ZNF648: variants seen among roughly 807,000 people sequenced by gnomAD.
The protein encoded by ZNF648 is zinc finger protein 648.
In ZNF648, 1 loss-of-function variant was observed where a neutral mutation model predicts 0.3. The observed-to-expected ratio is 3.90, with a 90% confidence interval of 1.39 to 18.51. ZNF648 has a LOEUF of 18.51. Among genes scored for constraint, ZNF648 ranks in the 30% most tolerant of loss-of-function variants. ZNF648 has a pLI of 0.11. For missense variants in ZNF648, 874 were observed against 769.7 expected, an observed-to-expected ratio of 1.14 and a Z score of -1.60; for synonymous variants, 376 against 326.8, an observed-to-expected ratio of 1.15 and a Z score of -1.62.
chr1:182,057,162 T>C lies in ZNF648; in HGVS notation c.849A>G (p.Leu283=). The part of the protein sequence containing the change: ...GGAAKRYACE[L]CGKAYSHRGT... ...CGCGGTGGGAGTAGGCCTTCCCGCA[T>C]AGCTCGCACGCGTAGCGCTTGGCGG... Residue 283 remains leucine, a synonymous_variant, in exon 2 of 2, where the codon CTA becomes CTG. Coordinates refer to ENST00000339948, the MANE Select transcript of ZNF648 (RefSeq NM_001009992.1). The C allele has an allele frequency of 4.4e-6, 7 of 1,597,656 alleles. No homozygotes were observed. Among genetic ancestry groups the C allele is most frequent in the Non-Finnish European group, 5.9e-6 (7 of 1,176,954 alleles).
In ZNF648 at chr1:182,056,469, GCGGAAGGCCCTGCCGCACT is replaced by G; in HGVS notation, c.1523_1541del (p.Glu508AlafsTer103). ...TGTGCTGGGCCAACTCAGAGGCAATGCGGAAGGCCCTGCCGCACTCGGCACAGAGGAATCCCTTCTCCCC... is the reference window on the plus strand; with the variant it reads ...TGTGCTGGGCCAACTCAGAGGCAATGCGGCACAGAGGAATCCCTTCTCCCC... On this transcript the variant is annotated frameshift_variant, in exon 2 of 2. Coordinates refer to ENST00000339948, the MANE Select transcript of ZNF648 (RefSeq NM_001009992.1). LOFTEE classifies it low-confidence loss of function (END_TRUNC). The G allele has an allele frequency of 1.9e-6, 3 of 1,613,988 alleles. No individual in the cohort carries two copies. The highest frequency in any genetic ancestry group is 2.5e-6 in the Non-Finnish European group (3 of 1,179,930).
chr1:182,057,057 C>A lies in ZNF648; in HGVS notation c.954G>T (p.Trp318Cys). 4.3e-6 allele frequency: 7 copies of A among 1,613,196 alleles called. No homozygotes were observed. The highest frequency in any genetic ancestry group is 5.9e-6 in the Non-Finnish European group (7 of 1,179,926). The change falls in exon 2 of 2, where the codon TGG becomes TGT. Residue 318 changes from tryptophan to cysteine, a missense_variant. Trp to Cys is a radical substitution (Grantham distance 215, BLOSUM62 -2). Coordinates refer to ENST00000339948, the MANE Select transcript of ZNF648 (RefSeq NM_001009992.1). ...QCSFCDKAYT[W>C]SSDHRKHIRT... ...GGATGTGCTTCCGGTGGTCGGAGGA[C>A]CAGGTGTAGGCCTTGTCGCAGAAGG...
chr1:182,067,728 G>A, the ZNF648 span, among the ~76,000 whole-genome samples: 1 of 152,238 alleles, frequency 6.6e-6, no homozygotes, highest in Non-Finnish European at 1.5e-5. Context: ...GGCCCAGGCC[G>A]AGGGAGCATA....
chr1:182,061,433 T>C (rs1010183955), intron 1 of ZNF648, 135 bp downstream of exon 1: 1 of 152,414 alleles, frequency 6.6e-6, no homozygotes, highest in African/African-American at 2.4e-5. Flanking sequence ...CCCCAGCCCA[T>C]ACCCCTCTTC....
In ZNF648 at chr1:182,056,878, G is replaced by A; in HGVS notation, c.1133C>T (p.Ser378Leu). 1 of 1,577,020 alleles carries A rather than the reference G, an allele frequency of 6.3e-7. No individual in the cohort carries two copies. Among genetic ancestry groups the A allele is most frequent in the Non-Finnish European group, 8.6e-7 (1 of 1,161,614 alleles). Reference protein sequence around the residue: ...ECGLTFNKPLSLLRHQRTHLG... With the variant: ...ECGLTFNKPLLLLRHQRTHLG... ...GTGCGTGCGCTGGTGGCGCAGCAGC[G>A]ACAGCGGCTTGTTGAAGGTCAGGCC... The change falls in exon 2 of 2, where the codon TCG becomes TTG. Residue 378 changes from serine to leucine, a missense_variant. Physicochemically the swap from Ser to Leu is moderately radical, Grantham distance 145. Transcript: ENST00000339948.
At chr1:182,061,931 C>T (rs1666037436), upstream of ZNF648, among the ~76,000 whole-genome samples, 1 of 152,244 alleles carries the variant, frequency 6.6e-6, no homozygotes, top group Non-Finnish European at 1.5e-5. Context: ...CACTTTCACT[C>T]CTTCCTTCCA....
At chr1:182,067,368 T>C in the ZNF648 span, among the ~76,000 whole-genome samples, 1 of 152,216 alleles carries the variant, frequency 6.6e-6, no homozygotes, top group Non-Finnish European at 1.5e-5. Context: ...AATAATAATA[T>C]TTAATATCTA....
chr1:182,057,050 C>G lies in ZNF648; in HGVS notation c.961G>C (p.Asp321His). The G allele has an allele frequency of 1.2e-6, 2 of 1,605,858 alleles. No individual in the cohort carries two copies. Among genetic ancestry groups the G allele is most frequent in the South Asian group, 2.2e-5 (2 of 90,138 alleles). Residue 321 changes from aspartate to histidine, a missense_variant, in exon 2 of 2, where the codon GAC becomes CAC. Transcript: ENST00000339948. ...FCDKAYTWSS[D>H]HRKHIRTHTG... ...TGGGTGCGGATGTGCTTCCGGTGGT[C>G]GGAGGACCAGGTGTAGGCCTTGTCG... is the stretch of plus-strand genomic sequence containing the variant.
chr1:182,067,808 A>G, the ZNF648 span, among the ~76,000 whole-genome samples: 2 of 152,236 alleles, frequency 1.3e-5, no homozygotes, highest in African/African-American at 4.8e-5. Flanking sequence ...AGGGTACAAG[A>G]GGCTGAAGAT....
rs1665955998 is a variant in ZNF648 at position 182,057,624 on chromosome 1, A to G, written c.387T>C (p.Gly129=). 3.1e-6 allele frequency: 5 copies of G among 1,614,028 alleles called. No homozygotes were observed. In the African/African-American group the frequency reaches 6.7e-5, roughly 22 times the overall value. The change falls in exon 2 of 2, where the codon GGT becomes GGC. Residue 129 remains glycine, a synonymous_variant. Transcript: ENST00000339948. ...TCTGACCTAACAATTTGTGTGCGAG[A>G]CCACTGGGAAGGGAACCCAGAGCTC... is the stretch of plus-strand genomic sequence containing the variant. ...ASRALGSLPS[G]LAHKLLGQMQ... is the part of the protein sequence containing the mutation.
the ZNF648 span, among the ~76,000 whole-genome samples, chr1:182,068,908 C>T: frequency 1.9e-5 from 1 of 52,848 alleles, no homozygotes; most frequent in Non-Finnish European, 3.8e-5. Context: ...AGAGTGAGAC[C>T]GAGTCTCAAA....
Position 182,057,737 on chromosome 1 carries a change from G to C in ZNF648, c.274C>G (p.Gln92Glu), listed in dbSNP as rs757809221. The C allele has an allele frequency of 6.2e-7, 1 of 1,614,030 alleles. No homozygotes were observed. Among genetic ancestry groups the C allele is most frequent in the Non-Finnish European group, 8.5e-7 (1 of 1,180,044 alleles). ...TTCCCAGACATTTCCACTGGTTTCT[G>C]CCCCATGCCCCCAGCACTGGAGGAG... ...SDSSSAGGMG[Q>E]KPVEMSGKAS... Residue 92 changes from glutamine (Q) to glutamate (E), a missense_variant, in exon 2 of 2, where the codon CAG (glutamine) becomes GAG (glutamate). Gln to Glu is a conservative substitution (Grantham distance 29). Transcript: ENST00000339948.
rs1317924094 is a variant in ZNF648, at chr1:182,057,470, C to G, written c.541G>C (p.Asp181His). ...AGAGAAGAGTTCCCTGCGGACGTGT[C>G]TACACTTTTGTGCGCACAGAGATAC... ...GKYLCAHKSVDTSAGNSSLLC... is the reference protein window; with the variant it reads ...GKYLCAHKSVHTSAGNSSLLC... Residue 181 changes from aspartate (D) to histidine (H), a missense_variant, in exon 2 of 2, where the codon GAC becomes CAC. Physicochemically the swap from Asp to His is moderately conservative, Grantham distance 81 (BLOSUM62 -1). Coordinates refer to ENST00000339948, the MANE Select transcript of ZNF648 (RefSeq NM_001009992.1). 1 of 1,614,112 alleles carries G rather than the reference C, an allele frequency of 6.2e-7. No individual in the cohort carries two copies. The highest frequency in any genetic ancestry group is 2.2e-5 in the East Asian group (1 of 44,884).
Position 182,057,495 on chromosome 1 carries a change from C to T in ZNF648, c.516G>A (p.Lys172=). 1.2e-6 allele frequency: 2 copies of T among 1,614,252 alleles called. No individual in the cohort carries two copies. Among genetic ancestry groups the T allele is most frequent in the South Asian group, 2.2e-5 (2 of 91,090 alleles). The stretch of plus-strand genomic sequence containing the variant: ...CTACACTTTTGTGCGCACAGAGATA[C>T]TTTCCATTGCTGGGGAAGCTGGGTG... ...DVPPSFPSNG[K]YLCAHKSVDT... The change falls in exon 2 of 2, where the codon AAG becomes AAA. Residue 172 remains lysine, a synonymous_variant. Coordinates refer to ENST00000339948, the MANE Select transcript of ZNF648 (RefSeq NM_001009992.1).
In ZNF648 at chr1:182,056,142, T is replaced by G; in HGVS notation, c.*162A>C. The G allele has an allele frequency of 1.0e-6, 1 of 986,874 alleles. No individual in the cohort carries two copies. The highest frequency in any genetic ancestry group is 1.7e-5 in the South Asian group (1 of 57,570). The allele number at this position is 986,874 out of a possible 1,614,324, so 61.1% of individuals were successfully genotyped here. On this transcript the variant is annotated 3_prime_UTR_variant, in exon 2 of 2. Transcript: ENST00000339948. The stretch of plus-strand genomic sequence containing the variant: ...TGTGAAACCACCCACCTGGGTGCTC[T>G]CTCGGTGGTGACTTTCTGTTCAAGG...
rs1571276451 is a variant in ZNF648 at position 182,056,624 on chromosome 1, G to A, written c.1387C>T (p.Leu463Phe). The change falls in exon 2 of 2, where the codon CTC becomes TTC. Residue 463 changes from leucine (L) to phenylalanine (F), a missense_variant. Transcript: ENST00000339948. ...GTGTGGATGCGCTGGTGGCGCACGA[G>A]GCGCGAGGGCTGCGCGAAGGCCACG... ...CGVAFAQPSR[L>F]VRHQRIHTGE... The A allele has an allele frequency of 1.9e-6, 3 of 1,612,106 alleles. No individual in the cohort carries two copies. The highest frequency in any genetic ancestry group is 2.5e-6 in the Non-Finnish European group (3 of 1,179,238).
In ZNF648 at chr1:182,058,073, C is replaced by T. The variant is rs1665971752; in HGVS notation, c.-63G>A. The T allele has an allele frequency of 6.6e-7, 1 of 1,518,936 alleles. No homozygotes were observed. The highest frequency in any genetic ancestry group is 8.8e-7 in the Non-Finnish European group (1 of 1,135,820). 94.1% of individuals were successfully genotyped at this position (1,518,936 alleles called of 1,614,324 possible). On this transcript the variant is annotated splice_region_variant and 5_prime_UTR_variant, in exon 2 of 2. Coordinates refer to ENST00000339948, the MANE Select transcript of ZNF648 (RefSeq NM_001009992.1). ...GGAGTATCCTGCTTGGCTCAGGATA[C>T]CTGCAAAAAGAAAAGTACGAAGAGA...
the ZNF648 span, among the ~76,000 whole-genome samples, chr1:182,067,220 A>T: frequency 1.2e-4 from 19 of 152,206 alleles, no homozygotes; most frequent in African/African-American, 3.9e-4. Flanking sequence ...CCCAGTGAAG[A>T]CTGCACAGTG....
chr1:182,058,177 C>T (rs1178503610), intron 1 of ZNF648, 104 bp from the exon 2 acceptor site: 1 of 793,586 alleles, frequency 1.3e-6, no homozygotes, highest in African/African-American at 1.7e-5. Flanking sequence ...TCCAACTGGT[C>T]TCCATGTCAG....
Sources: allele counts gnomAD v4.1 joint callset (sites outside exome capture counted in the v4.1 genomes callset), GRCh38; gene constraint gnomAD v4.1.1; transcripts MANE v1.5; gene names NCBI Gene and HGNC (gene_info 2026-07-23, HGNC 2026-07-21).